The following EXOC6 variants were observed in gnomAD, a reference collection of about 807,000 sequenced individuals.
EXOC6 encodes the protein exocyst complex component 6.
Under a neutral mutation model 112.5 loss-of-function variants are expected in EXOC6, and 60 were observed. That is an observed-to-expected ratio of 0.53 (90% confidence interval 0.43 to 0.66). The LOEUF is 0.66. EXOC6 is among the 30% of genes least tolerant of loss of function. The pLI is 0.00. For missense variants in EXOC6, 855 were observed against 957.1 expected (o/e 0.89, Z 1.41); for synonymous variants, 295 against 308.0 (o/e 0.96, Z 0.44).
At chr10:92,923,301 A>G (rs955491043) in intron 8 of EXOC6, among the ~76,000 whole-genome samples, 5 of 152,130 alleles carry the variant, frequency 3.3e-5, no homozygotes, top group Non-Finnish European at 5.9e-5. Context: ...TCTTTAGTTT[A>G]TCATTGATCT....
chr10:92,999,887 A>G (rs935801871), intron 19 of EXOC6, among the ~76,000 whole-genome samples: 23 of 152,170 alleles, frequency 1.5e-4, no homozygotes, highest in African/African-American at 5.5e-4. Flanking sequence ...TATTTTTAAT[A>G]GAGACGGGGT....
intron 8 of EXOC6, among the ~76,000 whole-genome samples, chr10:92,927,538 A>G (rs1851791976): frequency 6.6e-6 from 1 of 152,212 alleles, no homozygotes; most frequent in Non-Finnish European, 1.5e-5. Context: ...TTTAAATGTA[A>G]AAGTCAGTGT....
chr10:93,044,996 C>T (rs542841679), intron 20 of EXOC6, among the ~76,000 whole-genome samples: 1 of 152,048 alleles, frequency 6.6e-6, no homozygotes, highest in African/African-American at 2.4e-5. Context: ...CCTCAGCCTC[C>T]TGAGTAGCTG....
intron 1 of EXOC6, among the ~76,000 whole-genome samples, chr10:92,885,220 G>T (rs1229769645): frequency 1.3e-5 from 2 of 152,110 alleles, no homozygotes; most frequent in Non-Finnish European, 2.9e-5. Flanking sequence ...ATATAATGAA[G>T]ATAGAAAATG....
At chr10:92,967,793 T>G (rs566315213) in intron 17 of EXOC6, among the ~76,000 whole-genome samples, 1 of 152,238 alleles carries the variant, frequency 6.6e-6, no homozygotes, top group East Asian at 1.9e-4. Flanking sequence ...GGAAGCAGGT[T>G]GAGTATTTAT....
intron 13 of EXOC6, among the ~76,000 whole-genome samples, chr10:92,942,894 T>C (rs1406673499): frequency 6.6e-6 from 1 of 152,178 alleles, no homozygotes; most frequent in Non-Finnish European, 1.5e-5. Context: ...CACATAGAGA[T>C]AGGATTAATT....
intron 18 of EXOC6, among the ~76,000 whole-genome samples, chr10:92,982,189 T>G (rs1421145647): frequency 2.6e-5 from 4 of 152,120 alleles, no homozygotes; most frequent in African/African-American, 4.8e-5. Flanking sequence ...TATGGTTCTC[T>G]ATGTGGTAAT....
rs188142415 is a variant in EXOC6, at chr10:92,876,870, A to G, written c.102-16479A>G. Among the ~76,000 whole-genome samples the G allele has an allele frequency of 3.2e-3, 482 of 152,292 alleles. 5 individuals carry two copies. Among genetic ancestry groups the G allele is most frequent in the African/African-American group, 0.011 (461 of 41,572 alleles). ...CTCAACGATGGAAAAAAACAAAACA[A>G]TGCAATCCTTTCCTACTTTCCCTTT... is the stretch of plus-strand genomic sequence containing the variant. On this transcript the variant is annotated intron_variant, in intron 1 of 21. Coordinates refer to ENST00000260762, the MANE Select transcript of EXOC6 (RefSeq NM_019053.6).
At chr10:93,015,711 C>T (rs1473968468) in intron 20 of EXOC6, among the ~76,000 whole-genome samples, 2 of 149,202 alleles carry the variant, frequency 1.3e-5, no homozygotes, top group Non-Finnish European at 3.0e-5. Flanking sequence ...CCAGCCTGGG[C>T]GACAGAGCGA....
chr10:92,867,865 T>C lies in EXOC6; in HGVS notation c.101+19231T>C, dbSNP rs537582885. On this transcript the variant is annotated intron_variant, in intron 1 of 21. Transcript: ENST00000260762. ...TCTGCATTTTTTTGGACAAGAGTCA[T>C]TTGCATTAGTATCAGCTTTCTACAA... Among the ~76,000 whole-genome samples, 5 of 152,234 alleles carry C rather than the reference T, an allele frequency of 3.3e-5. No individual in the cohort carries two copies. The South Asian group carries it at 1.0e-3, about 32-fold the overall frequency.
chr10:92,987,669 A>G (rs1014859203), intron 18 of EXOC6: 2 of 967,488 alleles, frequency 2.1e-6, no homozygotes, highest in Non-Finnish European at 2.5e-6. Context: ...TAAAGCTAGC[A>G]TGTACATTAG....
chr10:93,027,199 G>T (rs4568938), intron 20 of EXOC6, among the ~76,000 whole-genome samples: 53,535 of 151,986 alleles, frequency 0.35, 10,491 homozygotes, highest in East Asian at 0.78. Context: ...GCCTAACTCT[G>T]TTCAATTCTA....
At chr10:93,036,983 G>A (rs1845542016) in intron 20 of EXOC6, among the ~76,000 whole-genome samples, 5 of 152,072 alleles carry the variant, frequency 3.3e-5, no homozygotes, top group African/African-American at 4.8e-5. Context: ...TTTTAGAACA[G>A]TTTGTCAACT....
chr10:92,938,522 A>T (rs894706022), intron 12 of EXOC6, among the ~76,000 whole-genome samples: 23 of 152,148 alleles, frequency 1.5e-4, no homozygotes. Context: ...TGCTTTTTAA[A>T]ATGCTAGTAT....
chr10:92,988,029 C>T (rs1843078745), intron 18 of EXOC6, among the ~76,000 whole-genome samples: 1 of 152,080 alleles, frequency 6.6e-6, no homozygotes, highest in Non-Finnish European at 1.5e-5. Context: ...AATAAATACT[C>T]AAAAAATATT....
intron 1 of EXOC6, among the ~76,000 whole-genome samples, chr10:92,860,630 C>T (rs1228662282): frequency 6.6e-6 from 1 of 152,170 alleles, no homozygotes; most frequent in African/African-American, 2.4e-5. Context: ...CCAGTTTTCA[C>T]CAGCCCTTGG....
intron 1 of EXOC6, among the ~76,000 whole-genome samples, chr10:92,855,330 G>A (rs1847548430): frequency 1.3e-5 from 2 of 152,068 alleles, no homozygotes; most frequent in Admixed American, 1.3e-4. Context: ...CTGAGTATCT[G>A]AAACTACAGG....
At chr10:93,026,629 C>A (rs1420739317) in intron 20 of EXOC6, among the ~76,000 whole-genome samples, 1 of 152,156 alleles carries the variant, frequency 6.6e-6, no homozygotes, top group Non-Finnish European at 1.5e-5. Flanking sequence ...TTGTAATTCT[C>A]ACAGTATTTC....
chr10:92,853,598 A>G (rs954442580), intron 1 of EXOC6, among the ~76,000 whole-genome samples: 1 of 152,256 alleles, frequency 6.6e-6, no homozygotes, highest in Non-Finnish European at 1.5e-5. Flanking sequence ...AACACAGTCA[A>G]TTGATTTTCA....
Sources: allele counts gnomAD v4.1 joint callset (sites outside exome capture counted in the v4.1 genomes callset), GRCh38; gene constraint gnomAD v4.1.1; transcripts MANE v1.5; gene names NCBI Gene and HGNC (gene_info 2026-07-23, HGNC 2026-07-21).